Variants in RBCK1 observed in about 807,000 individuals in gnomAD.
RBCK1 encodes the protein ranBP-type and C3HC4-type zinc finger-containing protein 1.
In RBCK1, 44 loss-of-function variants were observed where a neutral mutation model predicts 71.1. The observed-to-expected ratio is 0.62, with a 90% CI of 0.49 to 0.80. The LOEUF (loss-of-function observed/expected upper bound fraction) is 0.80, where lower values mean the gene tolerates loss of function less well. RBCK1 is among the 30% of genes least tolerant of loss of function. The pLI is 0.00. For synonymous variants in RBCK1, 306 were observed against 279.7 expected, an observed-to-expected ratio of 1.09 and a Z score of -0.94; for missense variants, 569 against 685.0, an observed-to-expected ratio of 0.83 and a Z score of 1.89.
intron 2 of RBCK1, chr20:410,340 A>G: frequency 1.3e-6 from 1 of 742,352 alleles, no homozygotes; most frequent in East Asian, 2.5e-5. Flanking sequence ...GAGTCCAGAT[A>G]GGGAGGTTCT....
chr20:418,722 AC>A (rs1338771151), intron 4 of RBCK1, among the ~76,000 whole-genome samples: 1 of 152,022 alleles, frequency 6.6e-6, no homozygotes, highest in African/African-American at 2.4e-5. Flanking sequence ...TTTTTTCTGA[AC>A]CATTTTGAGA....
intron 2 of RBCK1, among the ~76,000 whole-genome samples, chr20:414,148 T>G (rs1430189413): frequency 6.6e-6 from 1 of 151,624 alleles, no homozygotes; most frequent in Non-Finnish European, 1.5e-5. Context: ...AAACTCACGC[T>G]GGGCATGGCG....
chr20:420,387 C>T, intron 6 of RBCK1: 1 of 984,906 alleles, frequency 1.0e-6, no homozygotes, highest in Non-Finnish European at 1.2e-6. Flanking sequence ...CCCCTTGGAC[C>T]CGGTGCTGCC....
Position 428,650 on chromosome 20 carries a change from G to C in RBCK1, c.1308+61G>C. The C allele has an allele frequency of 6.7e-7, 1 of 1,500,900 alleles. No homozygotes were observed. The highest frequency in any genetic ancestry group is 9.0e-7 in the Non-Finnish European group (1 of 1,114,284). 93.0% of individuals were successfully genotyped at this position (1,500,900 alleles called of 1,614,324 possible). On this transcript the variant is annotated intron_variant, in intron 10 of 11. Transcript: ENST00000356286. The surrounding 1 kb of genome is among the most constrained non-coding windows in gnomAD (Gnocchi z 5.7). Reference sequence around the variant, plus strand: ...AAGTTCTGGGATCCAGGTGGGGGCTGGGGGCTTCCCAGTAAGGGCTGTGCT... The same window carrying C: ...AAGTTCTGGGATCCAGGTGGGGGCTCGGGGCTTCCCAGTAAGGGCTGTGCT...
intron 7 of RBCK1, among the ~76,000 whole-genome samples, chr20:421,290 T>A (rs1885601115): frequency 6.6e-6 from 1 of 152,170 alleles, no homozygotes; most frequent in Admixed American, 6.5e-5. Context: ...CCTTCCCCTC[T>A]ACCTTTCGCC....
At position 427,408 on chromosome 20, in the gene RBCK1, T is replaced by C. The variant is rs1407906733; in HGVS notation, c.1125T>C (p.Asp375=). 9 of 1,614,162 alleles carry C rather than the reference T, an allele frequency of 5.6e-6. No individual in the cohort carries two copies. Among genetic ancestry groups the C allele is most frequent in the Non-Finnish European group, 7.6e-6 (9 of 1,180,016 alleles). Reference sequence around the variant, plus strand: ...TCAGCTACCATTGCAAGACCCCAGATTGCAAGGGATGGTGCTTCTTTGAGG... The same window carrying C: ...TCAGCTACCATTGCAAGACCCCAGACTGCAAGGGATGGTGCTTCTTTGAGG... ...SAFSYHCKTP[D]CKGWCFFEDD... Residue 375 remains aspartate (D), a synonymous_variant, in exon 9 of 12, where the codon GAT becomes GAC. Transcript: ENST00000356286.
At position 419,674 on chromosome 20, in the gene RBCK1, C is replaced by G. The variant is rs746724862; in HGVS notation, c.699C>G (p.Asp233Glu). 17 of 1,578,488 alleles carry G rather than the reference C, an allele frequency of 1.1e-5. No homozygotes were observed. The highest frequency in any genetic ancestry group is 9.3e-5 in the East Asian group (4 of 43,076). Residue 233 changes from aspartate to glutamate, a missense_variant, in exon 6 of 12, where the codon GAC becomes GAG. By Grantham distance (45) the Asp-to-Glu change is conservative. Coordinates refer to ENST00000356286, the MANE Select transcript of RBCK1 (RefSeq NM_031229.4). ...AGGTCCCCGCCTCATACCAGCCCGA[C>G]GAGGAGGAGCGAGCGCGCCTGGCGG... ...AYQVPASYQP[D>E]EEERARLAGE...
chr20:426,765 C>G (rs6076530), intron 8 of RBCK1, among the ~76,000 whole-genome samples: 5 of 145,764 alleles, frequency 3.4e-5, no homozygotes, highest in African/African-American at 1.3e-4. Context: ...ACCTCCAGAA[C>G]TTTTAGAAAT....
At chr20:418,046 C>A in intron 4 of RBCK1, 116 bp downstream of exon 4, 1 of 1,067,638 alleles carries the variant, frequency 9.4e-7, no homozygotes, top group Non-Finnish European at 1.3e-6. Flanking sequence ...ACCCAGAGGA[C>A]CCTATCCAAG....
At position 417,617 on chromosome 20, in the gene RBCK1, A is replaced by G. The variant is rs917376944; in HGVS notation, c.259A>G (p.Met87Val). 2 of 1,612,964 alleles carry G rather than the reference A, an allele frequency of 1.2e-6. No individual in the cohort carries two copies. Among genetic ancestry groups the G allele is most frequent in the Non-Finnish European group, 1.7e-6 (2 of 1,179,082 alleles). The change falls in exon 3 of 12, where the codon ATG (methionine) becomes GTG (valine). Residue 87 changes from methionine to valine, a missense_variant and splice_region_variant. This residue lies in a region of RBCK1 where 358 missense variants were observed against 375.6 expected (regional missense o/e 0.95). Transcript: ENST00000356286. The surrounding 1 kb of genome is among the most constrained non-coding windows in gnomAD (Gnocchi z 4.7). Reference protein sequence around the residue: ...PDMTVASLKDMVFLDYGFPPV... With the variant: ...PDMTVASLKDVVFLDYGFPPV... The stretch of plus-strand genomic sequence containing the variant: ...TATGACAGTGGCGTCTCTCAAGGAC[A>G]TGGTGAGTGAGGAGGCGGAGGGCGA...
chr20:427,804 C>T (rs2122328043), intron 9 of RBCK1, among the ~76,000 whole-genome samples: 1 of 152,308 alleles, frequency 6.6e-6, no homozygotes, highest in African/African-American at 2.4e-5. Flanking sequence ...CTGATCCCAT[C>T]CAAGTCCATA....
chr20:424,098 G>A (rs1016377446), intron 8 of RBCK1, among the ~76,000 whole-genome samples: 10 of 152,204 alleles, frequency 6.6e-5, no homozygotes, highest in East Asian at 5.8e-4. Context: ...GTGTGGAATC[G>A]GGGAGACAGA....
chr20:412,022 A>G (rs2015738948), intron 2 of RBCK1, among the ~76,000 whole-genome samples: 1 of 152,240 alleles, frequency 6.6e-6, no homozygotes, highest in Non-Finnish European at 1.5e-5. Flanking sequence ...GCTGGGTCAT[A>G]CAGTAACTCT....
intron 6 of RBCK1, chr20:420,019 C>T: frequency 1.0e-6 from 1 of 984,734 alleles, no homozygotes; most frequent in Non-Finnish European, 1.2e-6. Flanking sequence ...CTTTGACACA[C>T]CACACGAGTA....
intron 8 of RBCK1, among the ~76,000 whole-genome samples, chr20:425,247 G>A (rs1336565037): frequency 6.6e-6 from 1 of 152,166 alleles, no homozygotes; most frequent in Non-Finnish European, 1.5e-5. Flanking sequence ...CTGACCTCAG[G>A]TGATCCACCC....
At chr20:429,477 C>T (rs935368332) in intron 11 of RBCK1, among the ~76,000 whole-genome samples, 2 of 152,120 alleles carry the variant, frequency 1.3e-5, no homozygotes, top group African/African-American at 4.8e-5. Context: ...CCACCTGCCT[C>T]GGCCTCCCAA....
At chr20:419,022 G>T (rs922304464) in intron 4 of RBCK1, among the ~76,000 whole-genome samples, 1 of 152,208 alleles carries the variant, frequency 6.6e-6, no homozygotes, top group Non-Finnish European at 1.5e-5. Context: ...GTTTCCTCCG[G>T]AGTGGATCAA....
In RBCK1 at chr20:408,408, AG is replaced by A; in HGVS notation, c.-349del. 2.3e-6 allele frequency: 1 copy of A among 434,016 alleles called. No homozygotes were observed. Among genetic ancestry groups the A allele is most frequent in the Non-Finnish European group, 4.1e-6 (1 of 241,776 alleles). 26.9% of individuals were successfully genotyped at this position (434,016 alleles called of 1,614,324 possible). On this transcript the variant is annotated 5_prime_UTR_variant, in exon 1 of 12. In the 5' UTR this introduces an upstream ATG that the reference lacks. Transcript: ENST00000356286. ...CCGGGACGCCAGGGGCGCTCCCGCAAGTGGGGGTCCTCCGGGACTTGGAACG... is the reference window on the plus strand; with the variant it reads ...CCGGGACGCCAGGGGCGCTCCCGCAATGGGGGTCCTCCGGGACTTGGAACG...
Position 419,700 on chromosome 20 carries a change from G to T in RBCK1, c.725G>T (p.Gly242Val). 2 of 1,570,742 alleles carry T rather than the reference G, an allele frequency of 1.3e-6. No individual in the cohort carries two copies. The highest frequency in any genetic ancestry group is 2.3e-5 in the South Asian group (2 of 86,362). Residue 242 changes from glycine to valine, a missense_variant, in exon 6 of 12, where the codon GGC (glycine) becomes GTC (valine). Coordinates refer to ENST00000356286, the MANE Select transcript of RBCK1 (RefSeq NM_031229.4). ...GAGGAGGAGCGAGCGCGCCTGGCGGGCGAGGAGGAGGCGCTGCGTCAGTAC... is the reference window on the plus strand; with the variant it reads ...GAGGAGGAGCGAGCGCGCCTGGCGGTCGAGGAGGAGGCGCTGCGTCAGTAC... ...PDEEERARLA[G>V]EEEALRQYQQ...
Sources: allele counts gnomAD v4.1 joint callset (sites outside exome capture counted in the v4.1 genomes callset), GRCh38; gene constraint gnomAD v4.1.1; regional missense constraint gnomAD v4.1.1; non-coding constraint Gnocchi (gnomAD v3.1); transcripts MANE v1.5; gene names NCBI Gene and HGNC (gene_info 2026-07-23, HGNC 2026-07-21).